The following ANKS1B variants were observed in gnomAD, a reference collection of about 807,000 sequenced individuals.
The protein encoded by ANKS1B is ankyrin repeat and sterile alpha motif domain-containing protein 1B.
A neutral mutation model predicts 148.3 loss-of-function variants in ANKS1B; 36 were observed. The observed-to-expected ratio is 0.24, with a 90% CI of 0.19 to 0.32. ANKS1B has a LOEUF of 0.32. ANKS1B is among the 10% of genes least tolerant of loss of function. ANKS1B has a pLI of 1.00. For synonymous variants in ANKS1B, 542 were observed against 560.8 expected (o/e 0.97, Z 0.47); for missense variants, 1,157 against 1,542.6 (o/e 0.75, Z 4.19).
chr12:99,357,727 G>GA (rs1174663539), intron 12 of ANKS1B, among the ~76,000 whole-genome samples: 10 of 151,898 alleles, frequency 6.6e-5, no homozygotes, highest in Non-Finnish European at 1.0e-4. Context: ...TAAATTAGGT[G>GA]AAAAAACCCT....
chr12:99,517,031 C>A (rs896976346), intron 9 of ANKS1B, among the ~76,000 whole-genome samples: 2 of 151,982 alleles, frequency 1.3e-5, no homozygotes, highest in African/African-American at 4.8e-5. Context: ...TTTAGAATTG[C>A]ATTTTCTATT....
intron 17 of ANKS1B, among the ~76,000 whole-genome samples, chr12:98,968,114 G>T (rs7974073): frequency 0.035 from 5,254 of 152,132 alleles, 236 homozygotes; most frequent in African/African-American, 0.1. Flanking sequence ...TTAAAAATGG[G>T]AACCTGACAT....
At chr12:99,787,116 G>T (rs2065087643) in intron 4 of ANKS1B, among the ~76,000 whole-genome samples, 2 of 152,174 alleles carry the variant, frequency 1.3e-5, no homozygotes, top group East Asian at 1.9e-4. Flanking sequence ...CTGGATGATA[G>T]ATTTTTTTAA....
At chr12:99,745,939 A>G (rs1022775138) in intron 8 of ANKS1B, among the ~76,000 whole-genome samples, 1 of 152,154 alleles carries the variant, frequency 6.6e-6, no homozygotes, top group East Asian at 1.9e-4. Flanking sequence ...ATGGTGTTCA[A>G]AAAAACAGAA....
At chr12:99,047,492 C>T (rs528981603) in intron 17 of ANKS1B, among the ~76,000 whole-genome samples, 44 of 152,210 alleles carry the variant, frequency 2.9e-4, no homozygotes, top group African/African-American at 8.7e-4. Context: ...CAAAAAACTT[C>T]GCACATAGAA....
At chr12:98,961,955 C>A (rs1166601142) in intron 17 of ANKS1B, among the ~76,000 whole-genome samples, 1 of 150,334 alleles carries the variant, frequency 6.7e-6, no homozygotes, top group African/African-American at 2.4e-5. Context: ...AAACATACCA[C>A]CAGAGAAAAT....
intron 1 of ANKS1B, among the ~76,000 whole-genome samples, chr12:99,945,656 G>C (rs922683610): frequency 1.3e-5 from 2 of 152,194 alleles, no homozygotes; most frequent in Non-Finnish European, 2.9e-5. Context: ...TCTTGTGGAG[G>C]TCATGGGCAC....
intron 11 of ANKS1B, among the ~76,000 whole-genome samples, chr12:99,412,560 T>C (rs1036149406): frequency 2.0e-5 from 3 of 152,238 alleles, no homozygotes; most frequent in Non-Finnish European, 4.4e-5. Context: ...GGTGGGCTTT[T>C]TCCTCTTGTT....
At chr12:99,069,070 C>T (rs745775828) in intron 16 of ANKS1B, among the ~76,000 whole-genome samples, 5 of 152,198 alleles carry the variant, frequency 3.3e-5, no homozygotes, top group Non-Finnish European at 5.9e-5. Flanking sequence ...CATCTCTGGA[C>T]TTAGCATAGA....
chr12:98,770,318 T>C (rs563818530), intron 25 of ANKS1B, among the ~76,000 whole-genome samples: 5 of 152,244 alleles, frequency 3.3e-5, no homozygotes, highest in South Asian at 4.1e-4. Flanking sequence ...CCAACCCCTA[T>C]AGAGAAAGGT....
intron 19 of ANKS1B, among the ~76,000 whole-genome samples, chr12:98,810,497 C>G (rs1039750144): frequency 6.6e-6 from 1 of 152,194 alleles, no homozygotes; most frequent in Non-Finnish European, 1.5e-5. Flanking sequence ...TCTCTGGGGT[C>G]TTGGTTGGAG....
At chr12:99,131,685 G>A (rs947391684) in intron 15 of ANKS1B, among the ~76,000 whole-genome samples, 1 of 152,158 alleles carries the variant, frequency 6.6e-6, no homozygotes, top group Admixed American at 6.5e-5. Flanking sequence ...CATTTATAAT[G>A]GGAACATATT....
chr12:99,623,385 A>G (rs764399527), intron 9 of ANKS1B, among the ~76,000 whole-genome samples: 7 of 152,028 alleles, frequency 4.6e-5, no homozygotes, highest in Non-Finnish European at 1.0e-4. Context: ...TATTCAACAT[A>G]GTACTGGATG....
chr12:99,189,190 G>A (rs2080298184), intron 14 of ANKS1B, among the ~76,000 whole-genome samples: 2 of 152,128 alleles, frequency 1.3e-5, no homozygotes, highest in Non-Finnish European at 2.9e-5. Context: ...TGAAATTGAG[G>A]CAGGAATGAA....
intron 8 of ANKS1B, among the ~76,000 whole-genome samples, chr12:99,680,527 G>A (rs1599547751): frequency 6.6e-6 from 1 of 152,316 alleles, no homozygotes. Flanking sequence ...GGGTCTGTGG[G>A]AGGGCTGCAA....
intron 17 of ANKS1B, among the ~76,000 whole-genome samples, chr12:98,991,550 G>T (rs1000692817): frequency 1.3e-5 from 2 of 152,080 alleles, no homozygotes; most frequent in African/African-American, 4.8e-5. Flanking sequence ...TCTTGCAAAC[G>T]ACCTGAACAT....
intron 1 of ANKS1B, among the ~76,000 whole-genome samples, chr12:99,929,483 C>T (rs1463095877): frequency 1.3e-5 from 2 of 152,162 alleles, no homozygotes; most frequent in Non-Finnish European, 2.9e-5. Flanking sequence ...TTTTGCTGTG[C>T]AGAAGCTTTT....
At chr12:99,954,845 A>G (rs1488710875) in intron 1 of ANKS1B, among the ~76,000 whole-genome samples, 1 of 152,122 alleles carries the variant, frequency 6.6e-6, no homozygotes, top group Non-Finnish European at 1.5e-5. Context: ...CAATAGTACC[A>G]AGGTTGGGAA....
At chr12:99,948,953 T>C (rs1349965598) in intron 1 of ANKS1B, among the ~76,000 whole-genome samples, 1 of 152,128 alleles carries the variant, frequency 6.6e-6, no homozygotes, top group South Asian at 2.1e-4. Context: ...TGCTAAGTGT[T>C]GGGGGATAGG....
Sources: allele counts gnomAD v4.1 joint callset (sites outside exome capture counted in the v4.1 genomes callset), GRCh38; gene constraint gnomAD v4.1.1; transcripts MANE v1.5; gene names NCBI Gene and HGNC (gene_info 2026-07-23, HGNC 2026-07-21).